GHR: variants seen among roughly 807,000 people sequenced by gnomAD.
GHR encodes the protein growth hormone receptor.
A neutral mutation model predicts 67.1 loss-of-function variants in GHR; 35 were observed. That is an observed-to-expected ratio of 0.52 (90% CI 0.40 to 0.69). The LOEUF (loss-of-function observed/expected upper bound fraction) is 0.69, where lower values mean the gene tolerates loss of function less well. Ranked by LOEUF, GHR falls within the 30% of genes least tolerant of loss-of-function variation. The pLI, the probability that GHR is intolerant of heterozygous loss-of-function variation, is 0.00. For missense variants in GHR, 792 were observed against 764.6 expected (o/e 1.04, Z -0.42); for synonymous variants, 272 against 269.1 (o/e 1.01, Z -0.10).
At chr5:42,466,892 C>T (rs1744755243) in intron 1 of GHR, 1 of 1,472,542 alleles carries the variant, frequency 6.8e-7, no homozygotes, top group East Asian at 2.3e-5. Context: ...ACTTGTTGTT[C>T]AACAAGATGG....
intron 2 of GHR, among the ~76,000 whole-genome samples, chr5:42,574,144 C>T (rs1400197852): frequency 2.0e-5 from 3 of 152,196 alleles, no homozygotes; most frequent in Non-Finnish European, 2.9e-5. Context: ...AAGAGCCATG[C>T]TTTCCTTAAT....
At chr5:42,463,082 T>G (rs1160595537) in intron 1 of GHR, among the ~76,000 whole-genome samples, 1 of 152,230 alleles carries the variant, frequency 6.6e-6, no homozygotes, top group Non-Finnish European at 1.5e-5. Context: ...TTAACCTTTC[T>G]TTATTTAATT....
At chr5:42,695,267 A>G (rs907013139) in intron 5 of GHR, among the ~76,000 whole-genome samples, 178 bp downstream of exon 5, 4 of 152,180 alleles carry the variant, frequency 2.6e-5, no homozygotes, top group African/African-American at 9.7e-5. Flanking sequence ...GGCAGGGGGA[A>G]CTTAAGTTGA....
chr5:42,717,863 T>C (rs1758795389), intron 8 of GHR, among the ~76,000 whole-genome samples, 189 bp from the exon 9 acceptor site: 1 of 150,696 alleles, frequency 6.6e-6, no homozygotes, highest in African/African-American at 2.5e-5. Flanking sequence ...TTCTTTTTTT[T>C]CCTTCTACAG....
chr5:42,495,428 T>C (rs1192412389), intron 1 of GHR, among the ~76,000 whole-genome samples: 1 of 152,168 alleles, frequency 6.6e-6, no homozygotes, highest in Non-Finnish European at 1.5e-5. Flanking sequence ...ACAATCATTT[T>C]ACCTTTGCTT....
intron 1 of GHR, 66 bp from the exon 2 acceptor site, chr5:42,565,798 C>T: frequency 1.9e-6 from 3 of 1,612,908 alleles, no homozygotes; most frequent in South Asian, 2.2e-5. Context: ...AGTCTTTAAA[C>T]AGTATTTCAT....
At chr5:42,597,267 C>T (rs966011244) in intron 2 of GHR, among the ~76,000 whole-genome samples, 1 of 151,960 alleles carries the variant, frequency 6.6e-6, no homozygotes. Flanking sequence ...ACATAAGTAA[C>T]CTGAAGAACA....
At chr5:42,475,896 T>C (rs1745284175) in intron 1 of GHR, among the ~76,000 whole-genome samples, 1 of 149,854 alleles carries the variant, frequency 6.7e-6, no homozygotes, top group African/African-American at 2.5e-5. Context: ...ATCAGATTCA[T>C]CAGATTAAAA....
At chr5:42,498,569 T>C (rs1348123601) in intron 1 of GHR, among the ~76,000 whole-genome samples, 1 of 152,236 alleles carries the variant, frequency 6.6e-6, no homozygotes, top group Non-Finnish European at 1.5e-5. Context: ...GAGCTTCTTC[T>C]AGCTTTTTCT....
chr5:42,500,007 G>C (rs953391194), intron 1 of GHR, among the ~76,000 whole-genome samples: 1 of 152,098 alleles, frequency 6.6e-6, no homozygotes, highest in African/African-American at 2.4e-5. Flanking sequence ...CTCCACTCCT[G>C]TAAAAACCAG....
intron 3 of GHR, among the ~76,000 whole-genome samples, chr5:42,637,509 G>A (rs1476489314): frequency 6.6e-6 from 1 of 152,056 alleles, no homozygotes; most frequent in Non-Finnish European, 1.5e-5. Context: ...TTATACCCAT[G>A]TTTATCCAGT....
intron 1 of GHR, among the ~76,000 whole-genome samples, chr5:42,427,284 C>A (rs1742894146): frequency 6.6e-6 from 1 of 152,168 alleles, no homozygotes; most frequent in African/African-American, 2.4e-5. Context: ...ATTCACAGTT[C>A]CACATGGCTG....
Position 42,572,500 on chromosome 5 carries a change from T to G in GHR, c.70+6556T>G, listed in dbSNP as rs570585077. The stretch of plus-strand genomic sequence containing the variant: ...GATGATGTGTAACATAAACACACTT[T>G]GAAATCTGATGCAATTGACCCTACG... On this transcript the variant is annotated intron_variant, in intron 2 of 9. Transcript: ENST00000230882. Among the ~76,000 whole-genome samples, 9 of 152,340 alleles carry G rather than the reference T, an allele frequency of 5.9e-5. No individual in the cohort carries two copies. The South Asian group carries it at 1.9e-3, about 32-fold the overall frequency.
chr5:42,504,971 G>C (rs900014579), intron 1 of GHR, among the ~76,000 whole-genome samples: 7 of 152,160 alleles, frequency 4.6e-5, no homozygotes, highest in Non-Finnish European at 1.0e-4. Context: ...AATTGCTCCA[G>C]ATTTTTGAAT....
At chr5:42,566,923 C>A (rs1367321056) in intron 2 of GHR, among the ~76,000 whole-genome samples, 3 of 151,958 alleles carry the variant, frequency 2.0e-5, no homozygotes, top group South Asian at 2.1e-4. Context: ...TGACCACAGT[C>A]ACTTAGAAAA....
At chr5:42,597,073 A>C (rs1752107630) in intron 2 of GHR, among the ~76,000 whole-genome samples, 1 of 152,156 alleles carries the variant, frequency 6.6e-6, no homozygotes, top group African/African-American at 2.4e-5. Context: ...TGGTGTGCTT[A>C]TAAATGTTTA....
chr5:42,666,079 A>G (rs924809564), intron 3 of GHR, among the ~76,000 whole-genome samples: 17 of 152,120 alleles, frequency 1.1e-4, no homozygotes, highest in African/African-American at 3.9e-4. Flanking sequence ...TCACCATGAC[A>G]TACAATTTGC....
At chr5:42,492,738 GCACATTTTGGTAT>G (rs2112201066) in intron 1 of GHR, among the ~76,000 whole-genome samples, 1 of 152,262 alleles carries the variant, frequency 6.6e-6, no homozygotes, top group Admixed American at 6.5e-5. Flanking sequence ...ACTTTAGGGA[GCACATTTTGGTAT>G]CACAGCTTAA....
At chr5:42,565,336 A>G (rs1579950049) in intron 1 of GHR, 1 of 400,168 alleles carries the variant, frequency 2.5e-6, no homozygotes, top group East Asian at 1.6e-4. Flanking sequence ...CTTCCCTTCT[A>G]GTTAAACCTC....
Sources: gnomAD v4.1 joint callset for allele counts (sites outside exome capture counted in the v4.1 genomes callset) on GRCh38, gnomAD v4.1.1 for gene constraint, MANE v1.5 for transcripts, NCBI Gene and HGNC (gene_info 2026-07-23, HGNC 2026-07-21) for gene names.